Variants in TBC1D15 observed in about 807,000 individuals in gnomAD.
TBC1D15 encodes GAP for RAB7.
Under a neutral mutation model 95.4 loss-of-function variants are expected in TBC1D15, and 39 were observed. The ratio of observed to expected loss-of-function variants is 0.41; its 90% CI spans 0.32 to 0.53. The LOEUF (loss-of-function observed/expected upper bound fraction) is 0.53. Ranked by LOEUF, TBC1D15 falls within the 20% of genes least tolerant of loss-of-function variation. TBC1D15 has a pLI of 0.29. For missense variants in TBC1D15, 733 were observed against 794.3 expected, an observed-to-expected ratio of 0.92 and a Z score of 0.93; for synonymous variants, 258 against 261.3, an observed-to-expected ratio of 0.99 and a Z score of 0.12.
At chr12:71,854,472 A>C (rs1287929586) in intron 1 of TBC1D15, 2 of 438,958 alleles carry the variant, frequency 4.6e-6, no homozygotes, top group Non-Finnish European at 9.1e-6. Flanking sequence ...GTTGTTATGA[A>C]CTCTTAAGAT....
chr12:71,860,953 A>G (rs1448575913), intron 1 of TBC1D15, among the ~76,000 whole-genome samples: 3 of 152,106 alleles, frequency 2.0e-5, no homozygotes, highest in South Asian at 2.1e-4. Context: ...TTTCCTGTCT[A>G]TTGAGATGAT....
chr12:71,886,314 G>A (rs1355645631), intron 5 of TBC1D15, among the ~76,000 whole-genome samples: 3 of 152,060 alleles, frequency 2.0e-5, no homozygotes, highest in Non-Finnish European at 2.9e-5. Flanking sequence ...GATTACAGGC[G>A]TGCGCCACCA....
chr12:71,862,254 C>A (rs1273085910), intron 1 of TBC1D15, among the ~76,000 whole-genome samples: 1 of 151,958 alleles, frequency 6.6e-6, no homozygotes, highest in Admixed American at 6.6e-5. Flanking sequence ...CCTAAATGAT[C>A]TGTCCAATGC....
chr12:71,851,617 A>G (rs1253930473), intron 1 of TBC1D15, among the ~76,000 whole-genome samples: 1 of 152,222 alleles, frequency 6.6e-6, no homozygotes, highest in African/African-American at 2.4e-5. Flanking sequence ...AAATACTCCC[A>G]TTCCAAAAGG....
At chr12:71,916,127 A>G (rs1404006002) in intron 12 of TBC1D15, among the ~76,000 whole-genome samples, 2 of 152,126 alleles carry the variant, frequency 1.3e-5, no homozygotes, top group African/African-American at 4.8e-5. Context: ...CCATTTTGCC[A>G]TATAGTTTTA....
At chr12:71,913,023 C>G (rs930431334) in intron 11 of TBC1D15, among the ~76,000 whole-genome samples, 5 of 151,870 alleles carry the variant, frequency 3.3e-5, no homozygotes, top group Non-Finnish European at 7.4e-5. Flanking sequence ...AACACTTTTT[C>G]TTATTTTTAA....
chr12:71,899,948 G>A (rs530470300), intron 10 of TBC1D15, among the ~76,000 whole-genome samples: 2 of 152,118 alleles, frequency 1.3e-5, no homozygotes, highest in Admixed American at 6.5e-5. Context: ...GACAGAGCGA[G>A]ACCCCTTCTC....
rs755937928 is a variant in TBC1D15 at position 71,923,197 on chromosome 12, C to T, written c.2018C>T (p.Pro673Leu). 2 of 1,613,992 alleles carry T rather than the reference C, an allele frequency of 1.2e-6. No individual in the cohort carries two copies. Among genetic ancestry groups the T allele is most frequent in the South Asian group, 1.1e-5 (1 of 91,062 alleles). ...PVSSDVCRLTPA is the reference protein window; with the variant it reads ...PVSSDVCRLTLA Reference sequence around the variant, plus strand: ...TCCTCAGATGTCTGCAGATTAACACCTGCATGATCACTGTTCTTGCTTTTT... The same window carrying T: ...TCCTCAGATGTCTGCAGATTAACACTTGCATGATCACTGTTCTTGCTTTTT... Residue 673 changes from proline to leucine, a missense_variant, in exon 17 of 17, where the codon CCT becomes CTT. Transcript: ENST00000485960.
Position 71,880,520 on chromosome 12 carries a change from C to G in TBC1D15, c.256C>G (p.Arg86Gly). The stretch of plus-strand genomic sequence containing the variant: ...TCAGGCCCCAAAAGAAAGAGGTCAT[C>G]GAGGATCAGAACATCTGAACAGTTA... ...WTQAPKERGHRGSEHLNSYEA... is the reference protein window; with the variant it reads ...WTQAPKERGHGGSEHLNSYEA... The change falls in exon 4 of 17, where the codon CGA becomes GGA. Residue 86 changes from arginine to glycine, a missense_variant. Coordinates refer to ENST00000485960, the MANE Select transcript of TBC1D15 (RefSeq NM_001146213.3). 6.2e-7 allele frequency: 1 copy of G among 1,612,346 alleles called. No individual in the cohort carries two copies. The highest frequency in any genetic ancestry group is 1.1e-5 in the South Asian group (1 of 90,828).
intron 1 of TBC1D15, among the ~76,000 whole-genome samples, chr12:71,868,554 CT>C (rs1891990955): frequency 6.6e-6 from 1 of 152,006 alleles, no homozygotes; most frequent in Non-Finnish European, 1.5e-5. Flanking sequence ...CCAGCTTTGA[CT>C]TTTTTGTAAG....
chr12:71,894,308 AT>A (rs761526168), intron 6 of TBC1D15: 147 of 1,599,184 alleles, frequency 9.2e-5, no homozygotes, highest in South Asian at 2.4e-4. Flanking sequence ...TTCAAGAAAT[AT>A]TTTTTTTGTA....
chr12:71,917,947 C>A (rs1904097205), intron 13 of TBC1D15, 150 bp downstream of exon 13: 1 of 544,340 alleles, frequency 1.8e-6, no homozygotes. Flanking sequence ...TACTTGCACC[C>A]AGGAGTTTGA....
chr12:71,916,168 C>G (rs1192293818), intron 12 of TBC1D15, among the ~76,000 whole-genome samples: 1 of 152,130 alleles, frequency 6.6e-6, no homozygotes, highest in Non-Finnish European at 1.5e-5. Flanking sequence ...TCCCCCTCCC[C>G]TGCCCCATAC....
chr12:71,888,438 C>A (rs2138596591), intron 5 of TBC1D15, among the ~76,000 whole-genome samples: 1 of 150,590 alleles, frequency 6.6e-6, no homozygotes, highest in Non-Finnish European at 1.5e-5. Context: ...TGCACTCCAT[C>A]CAGCCTAGGC....
chr12:71,855,313 G>A (rs111548728), intron 1 of TBC1D15, among the ~76,000 whole-genome samples: 14 of 152,078 alleles, frequency 9.2e-5, no homozygotes, highest in East Asian at 7.7e-4. Flanking sequence ...CAGTCAAACC[G>A]TATCATTTTG....
At chr12:71,840,403 G>T (rs1228407584) in intron 1 of TBC1D15, among the ~76,000 whole-genome samples, 2 of 152,164 alleles carry the variant, frequency 1.3e-5, no homozygotes, top group African/African-American at 2.4e-5. Context: ...ACCATCCTGT[G>T]CTTGTCTAGG....
chr12:71,899,877 T>A (rs772498608), intron 10 of TBC1D15, among the ~76,000 whole-genome samples: 16 of 152,080 alleles, frequency 1.1e-4, no homozygotes, highest in African/African-American at 1.4e-4. Context: ...GAGGATCACT[T>A]GAGCCTATGG....
intron 10 of TBC1D15, among the ~76,000 whole-genome samples, chr12:71,906,201 A>G (rs1463289817): frequency 6.6e-6 from 1 of 152,168 alleles, no homozygotes; most frequent in Non-Finnish European, 1.5e-5. Flanking sequence ...GAGTTTTGAG[A>G]AAGTTTTCAG....
chr12:71,917,929 G>A (rs931193363), intron 13 of TBC1D15, 132 bp downstream of exon 13: 1 of 568,274 alleles, frequency 1.8e-6, no homozygotes, highest in Admixed American at 3.1e-5. Flanking sequence ...AAGCCAAGGA[G>A]GGAGGATTAC....
Sources: allele counts gnomAD v4.1 joint callset (sites outside exome capture counted in the v4.1 genomes callset), GRCh38; gene constraint gnomAD v4.1.1; transcripts MANE v1.5; gene names NCBI Gene and HGNC (gene_info 2026-07-23, HGNC 2026-07-21).